The following PALM2AKAP2 variants were observed in gnomAD, a reference collection of about 807,000 sequenced individuals.
PALM2AKAP2 encodes the protein PALM2 and AKAP2 fusion.
A neutral mutation model predicts 71.5 loss-of-function variants in PALM2AKAP2; 37 were observed. That is an observed-to-expected ratio of 0.52 (90% CI 0.40 to 0.68). The LOEUF (loss-of-function observed/expected upper bound fraction) is 0.68, where lower values mean the gene tolerates loss of function less well. Among genes scored for constraint, PALM2AKAP2 ranks in the 30% least tolerant of loss-of-function variants. The pLI, the probability that PALM2AKAP2 is intolerant of heterozygous loss-of-function variation, is 0.00. For synonymous variants in PALM2AKAP2, 468 were observed against 478.8 expected (o/e 0.98, Z 0.29); for missense variants, 1,224 against 1,191.8 (o/e 1.03, Z -0.40).
At chr9:109,757,896 T>G (rs1828989121) in intron 1 of PALM2AKAP2, among the ~76,000 whole-genome samples, 1 of 152,134 alleles carries the variant, frequency 6.6e-6, no homozygotes, top group South Asian at 2.1e-4. Flanking sequence ...TCATTTTTTC[T>G]TTACTTTCAA....
chr9:110,139,434 A>G lies in PALM2AKAP2; in HGVS notation c.2569+895A>G, dbSNP rs200166636. ...TTTGCTACTGGTTCATTCTAAGTTC[A>G]GACATCGAGAGTAAGCATTTGAAAA... On this transcript the variant is annotated intron_variant, in intron 2 of 3. Transcript: ENST00000374525. 3.3e-5 allele frequency among the ~76,000 whole-genome samples: 5 copies of G among 152,354 alleles called. No individual in the cohort carries two copies. In the East Asian group the frequency reaches 9.6e-4, roughly 29 times the overall value.
intron 6 of PALM2AKAP2, among the ~76,000 whole-genome samples, chr9:109,982,249 A>C (rs181306711): frequency 2.3e-3 from 357 of 152,312 alleles, no homozygotes; most frequent in African/African-American, 8.4e-3. Flanking sequence ...CTAAAAATTA[A>C]AACAATTGAA....
chr9:109,924,943 C>A, intron 4 of PALM2AKAP2, 118 bp from the exon 5 acceptor site: 1 of 1,466,746 alleles, frequency 6.8e-7, no homozygotes, highest in Non-Finnish European at 9.4e-7. Flanking sequence ...TTCCCCAGCA[C>A]AGTCAAATTC....
chr9:109,829,290 T>C (rs984685117), intron 1 of PALM2AKAP2, among the ~76,000 whole-genome samples: 13 of 152,208 alleles, frequency 8.5e-5, no homozygotes, highest in Admixed American at 7.2e-4. Context: ...CTTCCAACAA[T>C]TCATCCTTTG....
At chr9:109,972,702 A>G (rs1411764066) in intron 6 of PALM2AKAP2, among the ~76,000 whole-genome samples, 2 of 152,326 alleles carry the variant, frequency 1.3e-5, no homozygotes, top group South Asian at 2.1e-4. Flanking sequence ...TCTGCAGGGA[A>G]TGCCACAAAG....
chr9:109,739,896 T>G (rs1222487697), intron 1 of PALM2AKAP2, among the ~76,000 whole-genome samples: 1 of 152,182 alleles, frequency 6.6e-6, no homozygotes, highest in Non-Finnish European at 1.5e-5. Flanking sequence ...AAATACACTG[T>G]CATGTGTCAT....
At chr9:110,116,186 CAG>C (rs1835356619) in intron 1 of PALM2AKAP2, among the ~76,000 whole-genome samples, 1 of 152,164 alleles carries the variant, frequency 6.6e-6, no homozygotes, top group Non-Finnish European at 1.5e-5. Context: ...TGCCTAAGTG[CAG>C]AGTTACATTC....
In PALM2AKAP2 at chr9:109,781,826, C is replaced by T. The variant is rs140497064; in HGVS notation, c.45+1293C>T. 6.2e-3 allele frequency among the ~76,000 whole-genome samples: 948 copies of T among 152,250 alleles called. 8 individuals are homozygous for T. The highest frequency in any genetic ancestry group is 0.021 in the African/African-American group (867 of 41,542). Reference sequence around the variant, plus strand: ...TGTTTTTTTCTTCTTTCTCTTTCCCCCTGTGCATGTGTATTTTGATGGTTT... The same window carrying T: ...TGTTTTTTTCTTCTTTCTCTTTCCCTCTGTGCATGTGTATTTTGATGGTTT... On this transcript the variant is annotated intron_variant, in intron 1 of 9. Transcript: ENST00000302798.
intron 1 of PALM2AKAP2, among the ~76,000 whole-genome samples, chr9:109,715,851 CTTCT>C (rs1461263192): frequency 6.6e-6 from 1 of 152,134 alleles, no homozygotes; most frequent in African/African-American, 2.4e-5. Context: ...TTCCTTCTTC[CTTCT>C]TTCTTCTTCT....
intron 1 of PALM2AKAP2, among the ~76,000 whole-genome samples, chr9:110,077,988 T>C (rs1834357347): frequency 6.8e-6 from 1 of 146,784 alleles, no homozygotes; most frequent in Admixed American, 7.0e-5. Context: ...CACTCCAGCC[T>C]GGGTGACAGA....
chr9:110,144,674 T>C (rs1836119291), intron 2 of PALM2AKAP2, among the ~76,000 whole-genome samples: 1 of 152,222 alleles, frequency 6.6e-6, no homozygotes, highest in East Asian at 1.9e-4. Flanking sequence ...TCAAATTAAA[T>C]TTCTACTCTA....
chr9:109,841,035 A>G (rs923650585), intron 1 of PALM2AKAP2, among the ~76,000 whole-genome samples: 1 of 152,362 alleles, frequency 6.6e-6, no homozygotes. Flanking sequence ...CCAAAGGATT[A>G]TAAATTATGC....
rs577605555 is a variant in PALM2AKAP2, at chr9:110,035,137, T to A, written c.582+19098T>A. Among the ~76,000 whole-genome samples, 29 of 149,748 alleles carry A rather than the reference T, an allele frequency of 1.9e-4. 1 individual carries two copies. In the South Asian group the frequency reaches 4.8e-3, roughly 25 times the overall value. ...ATGTTTAGTGTTTTACAAGTGCTTTTTTTTCTGCCTAAAATTTAAGAAATA... is the reference window on the plus strand; with the variant it reads ...ATGTTTAGTGTTTTACAAGTGCTTTATTTTCTGCCTAAAATTTAAGAAATA... On this transcript the variant is annotated intron_variant, in intron 7 of 9. Coordinates refer to the PALM2AKAP2 transcript ENST00000302798.
At chr9:109,973,993 C>T (rs997846845) in intron 6 of PALM2AKAP2, among the ~76,000 whole-genome samples, 2 of 152,212 alleles carry the variant, frequency 1.3e-5, no homozygotes, top group African/African-American at 2.4e-5. Context: ...AGACACTCTT[C>T]CTACTCTCAT....
At chr9:109,698,828 G>T (rs1455410799) in intron 1 of PALM2AKAP2, among the ~76,000 whole-genome samples, 1 of 152,158 alleles carries the variant, frequency 6.6e-6, no homozygotes, top group Non-Finnish European at 1.5e-5. Flanking sequence ...GAAAGGACAA[G>T]CCATAGTGAA....
At chr9:110,000,841 C>T (rs1447727321) in intron 6 of PALM2AKAP2, among the ~76,000 whole-genome samples, 1 of 152,118 alleles carries the variant, frequency 6.6e-6, no homozygotes, top group African/African-American at 2.4e-5. Context: ...ATATCCTTCG[C>T]CCACTTGTTG....
chr9:110,070,625 C>T (rs796269103), intron 1 of PALM2AKAP2, among the ~76,000 whole-genome samples: 23 of 152,230 alleles, frequency 1.5e-4, no homozygotes, highest in African/African-American at 5.3e-4. Context: ...TTAGTAGGCT[C>T]ACTGGGATGA....
At chr9:110,065,125 G>A (rs491744) in intron 1 of PALM2AKAP2, among the ~76,000 whole-genome samples, 74,912 of 151,958 alleles carry the variant, frequency 0.49, 18,676 homozygotes, top group Admixed American at 0.58. Flanking sequence ...TTCCGTGACA[G>A]CAGCCTGACA....
intron 1 of PALM2AKAP2, among the ~76,000 whole-genome samples, chr9:109,765,768 G>T (rs1202625627): frequency 1.3e-5 from 2 of 152,230 alleles, no homozygotes; most frequent in African/African-American, 2.4e-5. Flanking sequence ...AGGTCTCAGG[G>T]TGTTGATAAT....
Sources: allele counts gnomAD v4.1 joint callset (sites outside exome capture counted in the v4.1 genomes callset), GRCh38; gene constraint gnomAD v4.1.1; transcripts MANE v1.5; gene names NCBI Gene and HGNC (gene_info 2026-07-23, HGNC 2026-07-21).